DNAAF4: variants seen among roughly 807,000 people sequenced by gnomAD.
The protein encoded by DNAAF4 is dynein axonemal assembly factor 4, also known as dynein assembly factor 4, axonemal.
A neutral mutation model predicts 51.8 loss-of-function variants in DNAAF4; 43 were observed. The observed-to-expected ratio is 0.83, with a 90% CI of 0.65 to 1.07. The LOEUF is 1.07. DNAAF4 is among the 50% of genes least tolerant of loss of function. The probability of loss-of-function intolerance (pLI) is 0.00; values close to 1 mark genes in which losing one functional copy is unlikely to be tolerated. For missense variants in DNAAF4, 581 were observed against 493.0 expected (o/e 1.18, Z -1.69); for synonymous variants, 194 against 165.6 (o/e 1.17, Z -1.32).
intron 6 of DNAAF4, among the ~76,000 whole-genome samples, chr15:55,445,289 T>C (rs1053926573): frequency 6.6e-6 from 1 of 151,982 alleles, no homozygotes; most frequent in African/African-American, 2.4e-5. Flanking sequence ...AAAGCACATC[T>C]TGCACCGCCC....
intron 6 of DNAAF4, among the ~76,000 whole-genome samples, chr15:55,446,301 G>GC (rs1555415283): frequency 1.5e-5 from 1 of 66,920 alleles, no homozygotes; most frequent in Non-Finnish European, 2.9e-5. Flanking sequence ...CCAGACGGGG[G>GC]GGGGGGGCAG....
At chr15:55,460,578 G>C (rs772621357) in intron 5 of DNAAF4, among the ~76,000 whole-genome samples, 6 of 152,114 alleles carry the variant, frequency 3.9e-5, no homozygotes, top group Non-Finnish European at 8.8e-5. Flanking sequence ...GACAGCACTA[G>C]ACAGGTAATC....
chr15:55,418,556 CA>C, intron 7 of DNAAF4: 1 of 1,463,134 alleles, frequency 6.8e-7, no homozygotes, highest in Non-Finnish European at 9.2e-7. Context: ...TCCTAATATT[CA>C]ACACACTCTA....
chr15:55,459,781 G>A (rs1233509484), intron 5 of DNAAF4, among the ~76,000 whole-genome samples: 1 of 150,958 alleles, frequency 6.6e-6, no homozygotes, highest in African/African-American at 2.4e-5. Flanking sequence ...TTGGCTCACT[G>A]CAACCTCTGC....
At chr15:55,494,289 A>G (rs780065718) in intron 3 of DNAAF4, among the ~76,000 whole-genome samples, 2 of 152,162 alleles carry the variant, frequency 1.3e-5, no homozygotes, top group African/African-American at 4.8e-5. Context: ...TCGGCCTACC[A>G]AAGTGCTGGG....
intron 1 of DNAAF4, among the ~76,000 whole-genome samples, chr15:55,505,064 C>A (rs1039647117): frequency 3.3e-5 from 5 of 152,024 alleles, no homozygotes; most frequent in Admixed American, 6.6e-5. Context: ...AGAACTTAAA[C>A]AAATTTACAA....
At chr15:55,492,602 C>T (rs901883332) in intron 3 of DNAAF4, among the ~76,000 whole-genome samples, 7 of 151,660 alleles carry the variant, frequency 4.6e-5, no homozygotes, top group East Asian at 1.9e-4. Flanking sequence ...TGCTGTGGTC[C>T]GATCTCAGCT....
At chr15:55,444,703 G>A (rs1448432941) in intron 6 of DNAAF4, among the ~76,000 whole-genome samples, 1 of 152,150 alleles carries the variant, frequency 6.6e-6, no homozygotes, top group East Asian at 1.9e-4. Flanking sequence ...CCATTTGTTT[G>A]TGTCCTCTTT....
chr15:55,440,235 T>G (rs1031418274), intron 6 of DNAAF4, among the ~76,000 whole-genome samples: 2 of 151,656 alleles, frequency 1.3e-5, no homozygotes, highest in African/African-American at 4.8e-5. Flanking sequence ...GTATTTTTAG[T>G]AGAGACAGGG....
At chr15:55,453,987 G>C (rs1473992530) in intron 5 of DNAAF4, among the ~76,000 whole-genome samples, 2 of 152,056 alleles carry the variant, frequency 1.3e-5, no homozygotes, top group African/African-American at 4.8e-5. Context: ...ACAGAAAATA[G>C]CTGAGGAAGA....
Position 55,435,044 on chromosome 15 carries a change from G to T in DNAAF4, c.908C>A (p.Thr303Lys). ...LKDKGNKLFA[T>K]ENYLAAINAY... ...ATTGATAGCTGCCAAATAGTTTTCC[G>T]TTGCAAACAATTTGCTAATGAGACA... is the stretch of plus-strand genomic sequence containing the variant. Residue 303 changes from threonine to lysine, a missense_variant, in exon 8 of 10, where the codon ACG (threonine) becomes AAG (lysine). Coordinates refer to ENST00000321149, the MANE Select transcript of DNAAF4 (RefSeq NM_130810.4). The T allele has an allele frequency of 6.3e-7, 1 of 1,587,922 alleles. No homozygotes were observed. Among genetic ancestry groups the T allele is most frequent in the Non-Finnish European group, 8.5e-7 (1 of 1,172,258 alleles).
Position 55,498,459 on chromosome 15 carries a change from G to A in DNAAF4, c.-130C>T, listed in dbSNP as rs2058669793. 1 of 1,404,536 alleles carries A rather than the reference G, an allele frequency of 7.1e-7. No homozygotes were observed. The highest frequency in any genetic ancestry group is 2.8e-5 in the Admixed American group (1 of 36,124). The allele number at this position is 1,404,536 out of a possible 1,614,324, so 87.0% of individuals were successfully genotyped here. On this transcript the variant is annotated 5_prime_UTR_variant, in exon 2 of 10. Transcript: ENST00000321149. The stretch of plus-strand genomic sequence containing the variant: ...GCCGGGAGCCCGGCGTTCCCAGCGT[G>A]CTCCGGCGCCAGCACCTCGCGGACT...
At chr15:55,452,244 TAAAAAAA>T (rs57692277) in intron 5 of DNAAF4, among the ~76,000 whole-genome samples, 2 of 53,598 alleles carry the variant, frequency 3.7e-5, no homozygotes, top group Non-Finnish European at 6.1e-5. Context: ...CATGTCTCAC[TAAAAAAA>T]AAAAAAAAAA....
intron 5 of DNAAF4, among the ~76,000 whole-genome samples, chr15:55,465,942 G>A (rs902593362): frequency 3.9e-5 from 6 of 152,086 alleles, no homozygotes; most frequent in Admixed American, 3.9e-4. Flanking sequence ...GGGGACTAGG[G>A]GGGAAGGGTG....
chr15:55,421,187 C>CAAAAA (rs35897132), intron 7 of DNAAF4, among the ~76,000 whole-genome samples: 3 of 110,258 alleles, frequency 2.7e-5, no homozygotes, highest in Non-Finnish European at 5.4e-5. Context: ...GAGACTATCT[C>CAAAAA]AAAAAAAAAA....
chr15:55,486,190 G>A (rs1484831923), intron 4 of DNAAF4, among the ~76,000 whole-genome samples: 1 of 141,328 alleles, frequency 7.1e-6, no homozygotes, highest in Non-Finnish European at 1.5e-5. Flanking sequence ...TGGTTGGTTG[G>A]TTGGTTTTTT....
intron 3 of DNAAF4, among the ~76,000 whole-genome samples, chr15:55,496,044 T>G (rs1440332071): frequency 6.6e-6 from 1 of 152,132 alleles, no homozygotes; most frequent in Non-Finnish European, 1.5e-5. Context: ...CTGGCCAACA[T>G]ATAGTGAAAC....
intron 3 of DNAAF4, 25 bp from the exon 4 acceptor site, chr15:55,491,281 A>G: frequency 1.3e-6 from 2 of 1,588,672 alleles, no homozygotes; most frequent in Non-Finnish European, 1.7e-6. Context: ...ATATTGCTAA[A>G]TTAGAATTAT....
rs1296386345 is a variant in DNAAF4, at chr15:55,497,701, A to G, written c.271+11T>C. On this transcript the variant is annotated intron_variant, in intron 3 of 9. Coordinates refer to ENST00000321149, the MANE Select transcript of DNAAF4 (RefSeq NM_130810.4). ...TACAACCAGATGAACATCTTTTAAT[A>G]AAGAACTTACCACCCGTCACAGAAA... The G allele has an allele frequency of 1.9e-6, 3 of 1,592,114 alleles. No individual in the cohort carries two copies. The highest frequency in any genetic ancestry group is 2.6e-6 in the Non-Finnish European group (3 of 1,172,400).
Sources: allele counts gnomAD v4.1 joint callset (sites outside exome capture counted in the v4.1 genomes callset), GRCh38; gene constraint gnomAD v4.1.1; transcripts MANE v1.5; gene names NCBI Gene and HGNC (gene_info 2026-07-23, HGNC 2026-07-21).